The following WWOX variants were observed in gnomAD, a reference collection of about 807,000 sequenced individuals.
WWOX encodes the protein WW domain-containing oxidoreductase.
A neutral mutation model predicts 46.2 loss-of-function variants in WWOX; 69 were observed. The observed-to-expected ratio is 1.49, with a 90% CI of 1.23 to 1.82. The LOEUF (loss-of-function observed/expected upper bound fraction) is 1.82. WWOX is among the 40% of genes most tolerant of loss of function. The probability of loss-of-function intolerance (pLI) is 0.00; values close to 1 mark genes in which losing one functional copy is unlikely to be tolerated. For missense variants in WWOX, 919 were observed against 542.6 expected, an observed-to-expected ratio of 1.69 and a Z score of -6.89; for synonymous variants, 359 against 202.6, an observed-to-expected ratio of 1.77 and a Z score of -6.56.
rs2049572459 is a variant in WWOX, at chr16:79,118,919, A to G, written c.1057-92689A>G. Among the ~76,000 whole-genome samples the G allele has an allele frequency of 2.6e-5, 4 of 152,186 alleles. No individual in the cohort carries two copies. The South Asian group carries it at 6.2e-4, about 24-fold the overall frequency. On this transcript the variant is annotated intron_variant, in intron 8 of 8. Coordinates refer to ENST00000566780, the MANE Select transcript of WWOX (RefSeq NM_016373.4). ...CATTGCTGTTTATTTATCCATTTCT[A>G]TGTTGTTGGTCATTTATATGGTTTT...
At chr16:78,616,090 T>C (rs1454429121) in intron 8 of WWOX, among the ~76,000 whole-genome samples, 1 of 152,122 alleles carries the variant, frequency 6.6e-6, no homozygotes, top group Non-Finnish European at 1.5e-5. Flanking sequence ...GCTATTCTTC[T>C]CACTTCCTAC....
chr16:78,390,905 A>G (rs536498113), intron 6 of WWOX, among the ~76,000 whole-genome samples: 1 of 152,212 alleles, frequency 6.6e-6, no homozygotes, highest in Non-Finnish European at 1.5e-5. Context: ...GGATGCTCTT[A>G]TTTAATATGC....
intron 6 of WWOX, among the ~76,000 whole-genome samples, chr16:78,415,978 T>A (rs910099544): frequency 1.3e-5 from 2 of 152,194 alleles, no homozygotes; most frequent in African/African-American, 4.8e-5. Flanking sequence ...GTGGAGGGGC[T>A]TTATCTGTGG....
intron 6 of WWOX, among the ~76,000 whole-genome samples, chr16:78,412,098 C>T (rs1481924117): frequency 4.6e-5 from 7 of 152,092 alleles, no homozygotes; most frequent in Admixed American, 4.6e-4. Context: ...GTAGTGCCTA[C>T]CTCTGTGGAG....
At chr16:78,317,811 G>C (rs954764754) in intron 5 of WWOX, among the ~76,000 whole-genome samples, 18 of 152,152 alleles carry the variant, frequency 1.2e-4, no homozygotes, top group Admixed American at 7.9e-4. Flanking sequence ...CAAGGACTTG[G>C]TGGAACCATG....
chr16:79,180,104 A>G (rs1024833598), intron 8 of WWOX, among the ~76,000 whole-genome samples: 2 of 152,170 alleles, frequency 1.3e-5, no homozygotes, highest in African/African-American at 2.4e-5. Flanking sequence ...ACAAGAAAGA[A>G]TCTTTGCTAT....
At chr16:78,813,058 A>C (rs939559043) in intron 8 of WWOX, among the ~76,000 whole-genome samples, 1 of 152,044 alleles carries the variant, frequency 6.6e-6, no homozygotes, top group African/African-American at 2.4e-5. Context: ...GTTATAGGAA[A>C]ATACTGAGAT....
At chr16:78,145,907 A>C (rs985740747) in intron 4 of WWOX, 1 of 152,182 alleles carries the variant, frequency 6.6e-6, no homozygotes, top group Non-Finnish European at 1.5e-5. Context: ...TTGGGATGGC[A>C]GGGGAGCAGT....
At chr16:79,097,396 A>G (rs1215305264) in intron 8 of WWOX, among the ~76,000 whole-genome samples, 1 of 150,686 alleles carries the variant, frequency 6.6e-6, no homozygotes, top group African/African-American at 2.5e-5. Context: ...ATGGCAGAAG[A>G]GTCTAGCAAT....
At chr16:78,356,332 C>T (rs964931840) in intron 5 of WWOX, among the ~76,000 whole-genome samples, 1 of 149,666 alleles carries the variant, frequency 6.7e-6, no homozygotes, top group Non-Finnish European at 1.5e-5. Flanking sequence ...TCAAAATACT[C>T]AACTTGTTTA....
In WWOX at chr16:78,108,054, G is replaced by A. The variant is rs555390043; in HGVS notation, c.108-369G>A. Among the ~76,000 whole-genome samples, 125 of 151,664 alleles carry A rather than the reference G, an allele frequency of 8.2e-4. 1 individual carries two copies. The highest frequency in any genetic ancestry group is 2.8e-3 in the African/African-American group (117 of 41,340). ...AGCGATTCTCCTGCCTCAGCCTCCC[G>A]AGTAGCTGGGACTACAGGCACGTGC... On this transcript the variant is annotated intron_variant, in intron 1 of 8. Transcript: ENST00000566780.
intron 6 of WWOX, among the ~76,000 whole-genome samples, chr16:78,411,168 A>C (rs1388799185): frequency 6.6e-6 from 1 of 152,114 alleles, no homozygotes; most frequent in African/African-American, 2.4e-5. Context: ...CCCACCCTTG[A>C]GGTGAGGGGA....
intron 8 of WWOX, among the ~76,000 whole-genome samples, chr16:79,061,675 C>G (rs566111987): frequency 5.9e-5 from 9 of 152,188 alleles, no homozygotes; most frequent in Non-Finnish European, 1.2e-4. Context: ...AAGAAAAAGA[C>G]AAGTTATAGC....
intron 8 of WWOX, among the ~76,000 whole-genome samples, chr16:78,955,339 G>C (rs1597202538): frequency 1.3e-5 from 2 of 152,280 alleles, no homozygotes; most frequent in East Asian, 1.9e-4. Context: ...AATCCGTTGA[G>C]AGGAGCATTG....
At chr16:78,775,595 C>T (rs1023786020) in intron 8 of WWOX, among the ~76,000 whole-genome samples, 1 of 152,118 alleles carries the variant, frequency 6.6e-6, no homozygotes. Flanking sequence ...TTTCACTCCC[C>T]CACCTCTCCC....
rs546065568 is a variant in WWOX at position 78,320,851 on chromosome 16, A to G, written c.517-66009A>G. 2.0e-5 allele frequency among the ~76,000 whole-genome samples: 3 copies of G among 152,310 alleles called. No homozygotes were observed. The South Asian group carries it at 6.2e-4, about 32-fold the overall frequency. On this transcript the variant is annotated intron_variant, in intron 5 of 8. Transcript: ENST00000566780. ...TACTAACACAGGATTTCTGTCTTTAATTGAAGCCATGACTTGATCACAAAA... is the reference window on the plus strand; with the variant it reads ...TACTAACACAGGATTTCTGTCTTTAGTTGAAGCCATGACTTGATCACAAAA...
At chr16:78,371,703 T>C (rs1232505835) in intron 5 of WWOX, among the ~76,000 whole-genome samples, 2 of 152,218 alleles carry the variant, frequency 1.3e-5, no homozygotes, top group African/African-American at 4.8e-5. Flanking sequence ...TAGTGTTTTT[T>C]ATTTTTATTT....
At chr16:78,267,150 C>G (rs2079384228) in intron 5 of WWOX, 1 of 153,200 alleles carries the variant, frequency 6.5e-6, no homozygotes, top group South Asian at 2.1e-4. Context: ...AATTAAATCT[C>G]TTTTTCTTCC....
intron 6 of WWOX, among the ~76,000 whole-genome samples, chr16:78,394,950 T>C (rs1439677691): frequency 1.3e-5 from 2 of 152,214 alleles, no homozygotes; most frequent in East Asian, 1.9e-4. Context: ...AGCGTCACTT[T>C]CCAAGTGTGT....
Sources: allele counts gnomAD v4.1 joint callset (sites outside exome capture counted in the v4.1 genomes callset), GRCh38; gene constraint gnomAD v4.1.1; transcripts MANE v1.5; gene names NCBI Gene and HGNC (gene_info 2026-07-23, HGNC 2026-07-21).